MYRF: variants seen among roughly 807,000 people sequenced by gnomAD.
The protein encoded by MYRF is myelin regulatory factor.
Under a neutral mutation model 126.3 loss-of-function variants are expected in MYRF, and 16 were observed. That is an observed-to-expected ratio of 0.13 (90% CI 0.09 to 0.19). The LOEUF is 0.19. MYRF is among the 10% of genes least tolerant of loss of function. The probability of loss-of-function intolerance (pLI) is 1.00; values close to 1 mark genes in which losing one functional copy is unlikely to be tolerated. For synonymous variants in MYRF, 608 were observed against 635.3 expected (o/e 0.96, Z 0.65); for missense variants, 1,104 against 1,547.0 (o/e 0.71, Z 4.80).
Position 61,786,209 on chromosome 11 carries a change from G to A in MYRF, c.*66G>A, listed in dbSNP as rs2066691527. 7.5e-6 allele frequency: 11 copies of A among 1,473,338 alleles called. No individual in the cohort carries two copies. Among genetic ancestry groups the A allele is most frequent in the Non-Finnish European group, 1.0e-5 (11 of 1,054,360 alleles). 91.3% of individuals were successfully genotyped at this position (1,473,338 alleles called of 1,614,324 possible). A position where few individuals can be genotyped will look rare whatever the true frequency, so the allele number is the denominator to read the frequency against. Reference sequence around the variant, plus strand: ...GCCCAGGCACCCCCCAACACTGGATGCAATGGTGTTACACTGGAGCCCGCT... The same window carrying A: ...GCCCAGGCACCCCCCAACACTGGATACAATGGTGTTACACTGGAGCCCGCT... On this transcript the variant is annotated 3_prime_UTR_variant, in exon 27 of 27. Coordinates refer to ENST00000278836, the MANE Select transcript of MYRF (RefSeq NM_001127392.3). This position sits in a 1 kb window ranked among gnomAD's most constrained non-coding sequence, Gnocchi z 4.5.
intron 1 of MYRF, among the ~76,000 whole-genome samples, chr11:61,761,233 GA>G (rs2065887468): frequency 6.8e-6 from 1 of 146,388 alleles, no homozygotes; most frequent in Non-Finnish European, 1.5e-5. Flanking sequence ...GACAATGGCC[GA>G]GACTCAGCCA....
intron 24 of MYRF, 149 bp from the exon 25 acceptor site, chr11:61,784,131 A>G (rs1363085521): frequency 1.3e-5 from 13 of 966,942 alleles, no homozygotes; most frequent in Non-Finnish European, 1.7e-5. Flanking sequence ...GGGATGGTCG[A>G]TGGGAAAGGT....
chr11:61,783,622 C>T lies in MYRF; in HGVS notation c.3119+22C>T. ...GCAGGTGGGCTGGGCTCCCTCCCCT[C>T]ACCCAGGGAGGTCCTCAGGTGACAT... On this transcript the variant is annotated intron_variant, in intron 23 of 26. Coordinates refer to ENST00000278836, the MANE Select transcript of MYRF (RefSeq NM_001127392.3). The surrounding 1 kb of genome is among the most constrained non-coding windows in gnomAD (Gnocchi z 4.6). 1 of 1,596,162 alleles carries T rather than the reference C, an allele frequency of 6.3e-7. No individual in the cohort carries two copies. Among genetic ancestry groups the T allele is most frequent in the African/African-American group, 1.3e-5 (1 of 74,728 alleles).
chr11:61,765,528 G>T, intron 1 of MYRF, 97 bp from the exon 2 acceptor site: 1 of 983,140 alleles, frequency 1.0e-6, no homozygotes. Flanking sequence ...ATCTGTTTTG[G>T]AGGGCCAGCC....
In MYRF at chr11:61,774,042, G is replaced by A. The variant is rs553169968; in HGVS notation, c.1191G>A (p.Gln397=). ...FSVGDDAFVC[Q]KKNHFQVTVY... is the part of the protein sequence containing the mutation. ...TGGGCGACGACGCCTTTGTGTGCCA[G>A]AAGAAGAACCACTTCCAGGTGACAG... Residue 397 remains glutamine, a synonymous_variant, in exon 8 of 27, where the codon CAG becomes CAA. Transcript: ENST00000278836. 3.1e-4 allele frequency: 500 copies of A among 1,613,828 alleles called. 3 individuals carry two copies. The South Asian group carries it at 5.1e-3, about 16-fold the overall frequency.
At chr11:61,754,670 G>A (rs535836293) in intron 1 of MYRF, among the ~76,000 whole-genome samples, 8 of 152,156 alleles carry the variant, frequency 5.3e-5, no homozygotes, top group African/African-American at 1.4e-4. Context: ...CTGACGCCAC[G>A]GCTTAGCCAT....
Position 61,783,806 on chromosome 11 carries a change from G to T in MYRF, c.3120-45G>T, listed in dbSNP as rs1472359216. On this transcript the variant is annotated intron_variant, in intron 23 of 26. Transcript: ENST00000278836. The surrounding 1 kb of genome is among the most constrained non-coding windows in gnomAD (Gnocchi z 4.6). ...GAGGAGTCCCTGGTGGGGGTGGGGG[G>T]TGGCAGGGTACCCTCAGGCTAAGGT... 5 of 1,547,678 alleles carry T rather than the reference G, an allele frequency of 3.2e-6. No homozygotes were observed. In the East Asian group the frequency reaches 1.2e-4, roughly 37 times the overall value.
chr11:61,753,184 C>G (rs1366185245), intron 1 of MYRF, among the ~76,000 whole-genome samples: 1 of 152,060 alleles, frequency 6.6e-6, no homozygotes, highest in Non-Finnish European at 1.5e-5. Flanking sequence ...CATTCAAGGC[C>G]CAGACCCCCG....
intron 8 of MYRF, among the ~76,000 whole-genome samples, 191 bp from the exon 9 acceptor site, chr11:61,775,865 T>C (rs1386674560): frequency 2.1e-5 from 3 of 146,044 alleles, no homozygotes; most frequent in African/African-American, 5.1e-5. Flanking sequence ...AGGGTGTGGG[T>C]GTGAAGTAGG....
In MYRF at chr11:61,778,792, C is replaced by T. The variant is rs778858386; in HGVS notation, c.2013+303C>T. On this transcript the variant is annotated intron_variant, in intron 14 of 26. Coordinates refer to ENST00000278836, the MANE Select transcript of MYRF (RefSeq NM_001127392.3). The surrounding 1 kb of genome is among the most constrained non-coding windows in gnomAD (Gnocchi z 4.6). Reference sequence around the variant, plus strand: ...GGTAATAGAACTGCACAGACATCCTCGTATGGTTACCTCCAGGCTGAAATA... The same window carrying T: ...GGTAATAGAACTGCACAGACATCCTTGTATGGTTACCTCCAGGCTGAAATA... The T allele has an allele frequency of 3.8e-5, 22 of 579,774 alleles. No individual in the cohort carries two copies. The highest frequency in any genetic ancestry group is 1.3e-4 in the Admixed American group (6 of 45,976). 35.9% of individuals were successfully genotyped at this position (579,774 alleles called of 1,614,324 possible). A position where few individuals can be genotyped will look rare whatever the true frequency, so the allele number is the denominator to read the frequency against.
At chr11:61,760,055 G>A (rs545725622) in intron 1 of MYRF, among the ~76,000 whole-genome samples, 2 of 151,672 alleles carry the variant, frequency 1.3e-5, no homozygotes, top group Non-Finnish European at 2.9e-5. Context: ...TGCAACCTCC[G>A]CCTCCCGGTT....
chr11:61,773,604 T>A (rs2066285576), intron 7 of MYRF, among the ~76,000 whole-genome samples: 1 of 152,124 alleles, frequency 6.6e-6, no homozygotes, highest in Admixed American at 6.5e-5. Context: ...TGAGGGGGCT[T>A]CAGGCAGCCT....
At chr11:61,772,077 C>G (rs1187625662) in intron 7 of MYRF, 125 bp downstream of exon 7, 2 of 1,385,086 alleles carry the variant, frequency 1.4e-6, no homozygotes. Flanking sequence ...AGCAAACAGG[C>G]TCAGGGAAGA....
At chr11:61,784,200 G>T in intron 24 of MYRF, 80 bp from the exon 25 acceptor site, 1 of 1,324,464 alleles carries the variant, frequency 7.6e-7, no homozygotes, top group Non-Finnish European at 1.1e-6. Flanking sequence ...ATTCAGAGGC[G>T]TGTGGCAGGC....
At position 61,787,816 on chromosome 11, in the gene MYRF, T is replaced by C. The variant is rs1489270044; in HGVS notation, c.*1673T>C. ...CTTAAAACTGCCGAGCCCCACTCCA[T>C]GTAATAGGATTCCTGGGCTTCCTCA... On this transcript the variant is annotated 3_prime_UTR_variant, in exon 27 of 27. Coordinates refer to ENST00000278836, the MANE Select transcript of MYRF (RefSeq NM_001127392.3). 6.5e-6 allele frequency: 1 copy of C among 152,734 alleles called. No homozygotes were observed. Among genetic ancestry groups the C allele is most frequent in the Non-Finnish European group, 1.5e-5 (1 of 68,046 alleles). The allele number at this position is 152,734 out of a possible 1,614,324, so 9.5% of individuals were successfully genotyped here.
At chr11:61,758,205 C>T (rs560678734) in intron 1 of MYRF, among the ~76,000 whole-genome samples, 1 of 152,194 alleles carries the variant, frequency 6.6e-6, no homozygotes, top group Non-Finnish European at 1.5e-5. Flanking sequence ...TGCCCCAGGT[C>T]GCATCAGTGA....
chr11:61,785,986 C>T, intron 26 of MYRF, 77 bp from the exon 27 acceptor site: 1 of 1,553,546 alleles, frequency 6.4e-7, no homozygotes, highest in Non-Finnish European at 8.9e-7. Context: ...GGCACAGTGT[C>T]AAGCAATGTC....
In MYRF at chr11:61,781,592, T is replaced by G; in HGVS notation, c.2784T>G (p.Leu928=). 3.1e-6 allele frequency: 5 copies of G among 1,613,810 alleles called. No homozygotes were observed. The highest frequency in any genetic ancestry group is 4.2e-6 in the Non-Finnish European group (5 of 1,179,968). ...TNRSGPSQMA[L]LPVTNIRAKS... is the part of the protein sequence containing the mutation. ...CCACAGGCCCCAGCCAGATGGCCCTTCTGCCAGTCACCAACATCAGAGCCA... is the reference window on the plus strand; with the variant it reads ...CCACAGGCCCCAGCCAGATGGCCCTGCTGCCAGTCACCAACATCAGAGCCA... Residue 928 remains leucine, a synonymous_variant, in exon 22 of 27, where the codon CTT becomes CTG. Transcript: ENST00000278836.
chr11:61,759,817 C>G (rs1047775052), intron 1 of MYRF, among the ~76,000 whole-genome samples: 2 of 152,194 alleles, frequency 1.3e-5, no homozygotes, highest in African/African-American at 4.8e-5. Flanking sequence ...AGAGCCCCAT[C>G]TTTGTCAGGT....
Sources: gnomAD v4.1 joint callset for allele counts (sites outside exome capture counted in the v4.1 genomes callset) on GRCh38, gnomAD v4.1.1 for gene constraint, Gnocchi (gnomAD v3.1) non-coding constraint, MANE v1.5 for transcripts, NCBI Gene and HGNC (gene_info 2026-07-23, HGNC 2026-07-21) for gene names.